The following IQGAP2 variants were observed in gnomAD, a reference collection of about 807,000 sequenced individuals.
The protein encoded by IQGAP2 is IQ motif containing GTPase activating protein 2.
A neutral mutation model predicts 201.3 loss-of-function variants in IQGAP2; 173 were observed. The ratio of observed to expected loss-of-function variants is 0.86; its 90% confidence interval spans 0.76 to 0.98. The LOEUF (loss-of-function observed/expected upper bound fraction) is 0.98, where lower values mean the gene tolerates loss of function less well. IQGAP2 is among the 50% of genes least tolerant of loss of function. The pLI, the probability that IQGAP2 is intolerant of heterozygous loss-of-function variation, is 0.00. For missense variants in IQGAP2, 1,687 were observed against 1,864.8 expected (o/e 0.90, Z 1.76); for synonymous variants, 675 against 673.9 (o/e 1.00, Z -0.03).
chr5:76,680,812 A>T (rs865959491), intron 28 of IQGAP2, among the ~76,000 whole-genome samples: 2 of 150,728 alleles, frequency 1.3e-5, no homozygotes, highest in Middle Eastern at 3.4e-3. Flanking sequence ...AAAAAAAAAA[A>T]AAAAAATTTC....
At chr5:76,630,498 ATTAGC>A (rs1430888410) in intron 14 of IQGAP2, among the ~76,000 whole-genome samples, 1 of 152,162 alleles carries the variant, frequency 6.6e-6, no homozygotes, top group African/African-American at 2.4e-5. Context: ...CCATAAAGGA[ATTAGC>A]TTCAGTTATC....
intron 32 of IQGAP2, among the ~76,000 whole-genome samples, chr5:76,695,998 G>A (rs759675818): frequency 1.8e-4 from 27 of 151,712 alleles, no homozygotes; most frequent in Non-Finnish European, 2.5e-4. Context: ...GCACCACCAC[G>A]CCCAGCTAAT....
At chr5:76,659,172 G>T (rs375631189) in intron 21 of IQGAP2, among the ~76,000 whole-genome samples, 2 of 152,156 alleles carry the variant, frequency 1.3e-5, no homozygotes, top group South Asian at 4.2e-4. Context: ...AAAATTTTAA[G>T]CCCGCCCATT....
rs529896707 is a variant in IQGAP2, at chr5:76,505,551, A to G, written c.146+43882A>G. On this transcript the variant is annotated intron_variant, in intron 2 of 35. Coordinates refer to ENST00000274364, the MANE Select transcript of IQGAP2 (RefSeq NM_006633.5). ...TACCGATGCTAATTTCCTTAGGGTC[A>G]TTTCTTTAAGAAAAAAAAAATCCTC... 2.0e-5 allele frequency among the ~76,000 whole-genome samples: 3 copies of G among 152,194 alleles called. No homozygotes were observed. The South Asian group carries it at 6.2e-4, about 32-fold the overall frequency.
chr5:76,646,456 G>A (rs1488480213), intron 17 of IQGAP2, among the ~76,000 whole-genome samples: 4 of 152,150 alleles, frequency 2.6e-5, no homozygotes, highest in Admixed American at 1.3e-4. Flanking sequence ...AGCCTTCCCC[G>A]AGGCCTACTG....
chr5:76,655,080 T>C, intron 20 of IQGAP2, 77 bp downstream of exon 20: 1 of 987,420 alleles, frequency 1.0e-6, no homozygotes, highest in Non-Finnish European at 1.6e-6. Flanking sequence ...TATTGGTCAC[T>C]TCAGAGGCTG....
At chr5:76,446,925 C>T (rs895349881) in intron 1 of IQGAP2, among the ~76,000 whole-genome samples, 2 of 152,190 alleles carry the variant, frequency 1.3e-5, no homozygotes, top group Non-Finnish European at 2.9e-5. Context: ...CCTGTGTTTT[C>T]CCTCTTGACG....
intron 1 of IQGAP2, among the ~76,000 whole-genome samples, chr5:76,417,004 A>C (rs1380922686): frequency 1.3e-5 from 2 of 151,792 alleles, no homozygotes; most frequent in Non-Finnish European, 2.9e-5. Context: ...AATTAAAAAA[A>C]ATTTTTTTTT....
At position 76,633,373 on chromosome 5, in the gene IQGAP2, CTCTT is replaced by C. The variant is rs545684685; in HGVS notation, c.1780+1350_1780+1353del. Among the ~76,000 whole-genome samples the C allele has an allele frequency of 1.7e-4, 26 of 152,280 alleles. 1 individual carries two copies. In the East Asian group the frequency reaches 4.0e-3, roughly 24 times the overall value. On this transcript the variant is annotated intron_variant, in intron 15 of 35. Coordinates refer to ENST00000274364, the MANE Select transcript of IQGAP2 (RefSeq NM_006633.5). ...TCTTTCCTTTTAATCAAGTTTAAAA[CTCTT>C]TCAACAATTTTTTGTAGTTTTCTGC...
intron 13 of IQGAP2, chr5:76,617,914 A>T (rs541371957): frequency 1.9e-6 from 3 of 1,614,026 alleles, no homozygotes; most frequent in Non-Finnish European, 2.5e-6. Context: ...AATGCCAAGG[A>T]GATGAAGTAA....
chr5:76,676,533 T>C (rs1744838938), intron 27 of IQGAP2, among the ~76,000 whole-genome samples: 1 of 152,250 alleles, frequency 6.6e-6, no homozygotes, highest in African/African-American at 2.4e-5. Context: ...AAGAATTGTT[T>C]AGGCAAAAAA....
intron 1 of IQGAP2, among the ~76,000 whole-genome samples, chr5:76,425,854 T>A (rs1029024865): frequency 6.6e-6 from 1 of 152,178 alleles, no homozygotes; most frequent in Non-Finnish European, 1.5e-5. Context: ...CATGGGTCAG[T>A]GCGTGCATAC....
chr5:76,477,474 A>G (rs1021206851), intron 2 of IQGAP2, among the ~76,000 whole-genome samples: 3 of 152,210 alleles, frequency 2.0e-5, no homozygotes, highest in South Asian at 4.1e-4. Context: ...AAAATTCCCA[A>G]TCAAAGCATT....
chr5:76,413,883 T>C (rs1033113171), intron 1 of IQGAP2, among the ~76,000 whole-genome samples: 2 of 152,204 alleles, frequency 1.3e-5, no homozygotes, highest in East Asian at 1.9e-4. Flanking sequence ...TCAGCCAACC[T>C]TGTGGTCAAC....
At chr5:76,670,764 C>T (rs1272966373) in intron 23 of IQGAP2, among the ~76,000 whole-genome samples, 1 of 152,152 alleles carries the variant, frequency 6.6e-6, no homozygotes. Context: ...TGTATTGCAG[C>T]TTTGAGTGGG....
At position 76,512,852 on chromosome 5, in the gene IQGAP2, C is replaced by T. The variant is rs531384792; in HGVS notation, c.147-49544C>T. On this transcript the variant is annotated intron_variant, in intron 2 of 35. Coordinates refer to ENST00000274364, the MANE Select transcript of IQGAP2 (RefSeq NM_006633.5). The stretch of plus-strand genomic sequence containing the variant: ...CAGGCAGATCACGAGGTCAGTAGTT[C>T]GAGACCAGCCTGGCCAACATGGCAA... Among the ~76,000 whole-genome samples the T allele has an allele frequency of 7.2e-5, 11 of 152,164 alleles. No individual in the cohort carries two copies. In the South Asian group the frequency reaches 2.3e-3, roughly 32 times the overall value.
intron 2 of IQGAP2, among the ~76,000 whole-genome samples, chr5:76,558,538 T>C (rs1219237088): frequency 6.6e-6 from 1 of 152,236 alleles, no homozygotes; most frequent in African/African-American, 2.4e-5. Context: ...GGCATTACTA[T>C]TGATTTCTTC....
At chr5:76,569,325 T>C (rs934138902) in intron 3 of IQGAP2, among the ~76,000 whole-genome samples, 1 of 152,188 alleles carries the variant, frequency 6.6e-6, no homozygotes, top group Non-Finnish European at 1.5e-5. Flanking sequence ...AGAAATTTAT[T>C]CCATTGTGTG....
At chr5:76,508,945 C>T (rs148559432) in intron 2 of IQGAP2, among the ~76,000 whole-genome samples, 56 of 152,032 alleles carry the variant, frequency 3.7e-4, no homozygotes, top group Non-Finnish European at 5.6e-4. Context: ...CTGATCCTCT[C>T]GGGGAAATAG....
Sources: allele counts gnomAD v4.1 joint callset (sites outside exome capture counted in the v4.1 genomes callset), GRCh38; gene constraint gnomAD v4.1.1; transcripts MANE v1.5; gene names NCBI Gene and HGNC (gene_info 2026-07-23, HGNC 2026-07-21).